Variants in TMEM132C observed in about 807,000 individuals in gnomAD.
TMEM132C encodes protein phosphatase 1, regulatory subunit 152.
Under a neutral mutation model 61.4 loss-of-function variants are expected in TMEM132C, and 29 were observed. The ratio of observed to expected loss-of-function variants is 0.47; its 90% confidence interval spans 0.35 to 0.64. The LOEUF (loss-of-function observed/expected upper bound fraction) is 0.64, where lower values mean the gene tolerates loss of function less well. TMEM132C is among the 30% of genes least tolerant of loss of function. The probability of loss-of-function intolerance (pLI) is 0.00; values close to 1 mark genes in which losing one functional copy is unlikely to be tolerated. For missense variants in TMEM132C, 1,408 were observed against 1,476.9 expected, an observed-to-expected ratio of 0.95 and a Z score of 0.76; for synonymous variants, 656 against 633.1, an observed-to-expected ratio of 1.04 and a Z score of -0.54.
chr12:128,504,845 A>G (rs1323065925), intron 2 of TMEM132C, among the ~76,000 whole-genome samples: 2 of 151,990 alleles, frequency 1.3e-5, no homozygotes, highest in Non-Finnish European at 2.9e-5. Flanking sequence ...GTGGGAGCAG[A>G]AACACAATTC....
At chr12:128,699,279 G>A (rs1034094182) in intron 8 of TMEM132C, among the ~76,000 whole-genome samples, 1 of 152,168 alleles carries the variant, frequency 6.6e-6, no homozygotes, top group African/African-American at 2.4e-5. Flanking sequence ...CGCACTTATT[G>A]GCTCACAGTG....
chr12:128,646,720 A>G (rs546735389), intron 4 of TMEM132C, among the ~76,000 whole-genome samples: 2 of 151,342 alleles, frequency 1.3e-5, no homozygotes, highest in African/African-American at 2.4e-5. Flanking sequence ...AGCTCAGTCC[A>G]TCAGCGTTGG....
At chr12:128,585,199 T>C (rs1875497776) in intron 3 of TMEM132C, among the ~76,000 whole-genome samples, 1 of 152,252 alleles carries the variant, frequency 6.6e-6, no homozygotes, top group Admixed American at 6.5e-5. Flanking sequence ...AAAAAATGTA[T>C]ATTTGGGGAT....
At chr12:128,669,389 AC>A (rs1226444671) in intron 4 of TMEM132C, 27 bp from the exon 5 acceptor site, 2 of 1,550,912 alleles carry the variant, frequency 1.3e-6, no homozygotes, top group Admixed American at 3.9e-5. Context: ...ATCTCCCTTG[AC>A]CCAGTGTGTT....
chr12:128,363,835 ACT>A (rs369124300), intron 1 of TMEM132C, among the ~76,000 whole-genome samples: 1,463 of 128,998 alleles, frequency 0.011, 28 homozygotes, highest in African/African-American at 0.042. Context: ...ACAGAGTGAG[ACT>A]CTGTCTCGAA....
chr12:128,296,731 G>A (rs1214131358), intron 1 of TMEM132C, among the ~76,000 whole-genome samples: 1 of 152,212 alleles, frequency 6.6e-6, no homozygotes, highest in Non-Finnish European at 1.5e-5. Flanking sequence ...TGAGGAAGAA[G>A]ATGGGGCAAT....
chr12:128,449,458 A>G (rs1235711539), intron 2 of TMEM132C, among the ~76,000 whole-genome samples: 1 of 152,242 alleles, frequency 6.6e-6, no homozygotes, highest in East Asian at 1.9e-4. Flanking sequence ...CTCCACTGCT[A>G]GAAACAAGTA....
At chr12:128,686,184 C>A (rs1178396347) in intron 5 of TMEM132C, among the ~76,000 whole-genome samples, 1 of 152,090 alleles carries the variant, frequency 6.6e-6, no homozygotes, top group Admixed American at 6.5e-5. Flanking sequence ...GTTGGCGGCA[C>A]TGGGTGCGCA....
chr12:128,610,369 C>A (rs574300376), intron 3 of TMEM132C, among the ~76,000 whole-genome samples: 11 of 152,284 alleles, frequency 7.2e-5, no homozygotes, highest in African/African-American at 2.6e-4. Flanking sequence ...TAACTCACCC[C>A]CAGACTCAAT....
At chr12:128,600,456 C>A (rs1461069242) in intron 3 of TMEM132C, among the ~76,000 whole-genome samples, 2 of 152,190 alleles carry the variant, frequency 1.3e-5, no homozygotes, top group East Asian at 3.8e-4. Flanking sequence ...ATAAATTACC[C>A]AGTCTTGGGT....
At chr12:128,337,572 C>T (rs1872821761) in intron 1 of TMEM132C, among the ~76,000 whole-genome samples, 1 of 152,172 alleles carries the variant, frequency 6.6e-6, no homozygotes, top group Non-Finnish European at 1.5e-5. Flanking sequence ...CACTTAGGTT[C>T]TTGGAATCCA....
At chr12:128,267,740 AGCTG>A (rs1870359652) in intron 1 of TMEM132C, among the ~76,000 whole-genome samples, 1 of 152,084 alleles carries the variant, frequency 6.6e-6, no homozygotes, top group Admixed American at 6.5e-5. Context: ...CCAGACCCAG[AGCTG>A]CCCCGCGGAT....
chr12:128,307,529 G>A (rs1276873583), intron 1 of TMEM132C, among the ~76,000 whole-genome samples: 1 of 151,988 alleles, frequency 6.6e-6, no homozygotes, highest in Non-Finnish European at 1.5e-5. Flanking sequence ...TTTCTATCAG[G>A]TGACATGAAA....
intron 1 of TMEM132C, among the ~76,000 whole-genome samples, chr12:128,360,333 G>A (rs116794290): frequency 0.042 from 6,423 of 151,964 alleles, 488 homozygotes; most frequent in African/African-American, 0.15. Context: ...TGATTGGAGC[G>A]ATTCTGTCCA....
Position 128,661,366 on chromosome 12 carries a change from C to T in TMEM132C, c.1306-8051C>T, listed in dbSNP as rs117651312. Among the ~76,000 whole-genome samples the T allele has an allele frequency of 1.4e-4, 21 of 152,290 alleles. 1 individual carries two copies. The East Asian group carries it at 3.7e-3, about 27-fold the overall frequency. ...AACAGCTAGGTTAATGTTTAGTTGA[C>T]CAGCTGGAACCATCACCTGGCCAAG... On this transcript the variant is annotated intron_variant, in intron 4 of 8. Coordinates refer to ENST00000435159, the MANE Select transcript of TMEM132C (RefSeq NM_001136103.3).
At chr12:128,666,178 C>T in intron 4 of TMEM132C, among the ~76,000 whole-genome samples, 1 of 150,624 alleles carries the variant, frequency 6.6e-6, no homozygotes, top group South Asian at 2.1e-4. Flanking sequence ...CAGGCACACA[C>T]ACACATACAC....
intron 2 of TMEM132C, among the ~76,000 whole-genome samples, chr12:128,421,738 T>G (rs1168667428): frequency 6.6e-6 from 1 of 152,196 alleles, no homozygotes; most frequent in Non-Finnish European, 1.5e-5. Flanking sequence ...GAACCTTTGT[T>G]TCTTGTAGCT....
chr12:128,417,748 G>A (rs1868829186), intron 2 of TMEM132C, among the ~76,000 whole-genome samples: 1 of 152,146 alleles, frequency 6.6e-6, no homozygotes, highest in South Asian at 2.1e-4. Context: ...TACTAACAGG[G>A]CTGTTTTTAA....
At chr12:128,660,676 C>T (rs1954378866) in intron 4 of TMEM132C, among the ~76,000 whole-genome samples, 13 of 152,200 alleles carry the variant, frequency 8.5e-5, no homozygotes, top group Admixed American at 8.5e-4. Context: ...TTGCCAAGCC[C>T]CATTTGCCCA....
Sources: allele counts gnomAD v4.1 joint callset (sites outside exome capture counted in the v4.1 genomes callset), GRCh38; gene constraint gnomAD v4.1.1; transcripts MANE v1.5; gene names NCBI Gene and HGNC (gene_info 2026-07-23, HGNC 2026-07-21).